CCR9: variants seen among roughly 807,000 people sequenced by gnomAD.
The protein encoded by CCR9 is C-C chemokine receptor type 9.
Under a neutral mutation model 8.7 loss-of-function variants are expected in CCR9, and 4 were observed. The ratio of observed to expected loss-of-function variants is 0.46; its 90% CI spans 0.23 to 1.06. CCR9 has a LOEUF of 1.06. Ranked by LOEUF, CCR9 falls within the 50% of genes least tolerant of loss-of-function variation. The pLI is 0.21. For missense variants in CCR9, 394 were observed against 453.6 expected (o/e 0.87, Z 1.19); for synonymous variants, 159 against 168.8 (o/e 0.94, Z 0.45).
intron 1 of CCR9, among the ~76,000 whole-genome samples, chr3:45,888,439 T>C (rs1702049594): frequency 6.6e-6 from 1 of 152,250 alleles, no homozygotes; most frequent in Admixed American, 6.5e-5. Flanking sequence ...CATGACTTAC[T>C]CAGTGTATTT....
chr3:45,892,880 A>G (rs549692117), intron 1 of CCR9, among the ~76,000 whole-genome samples: 1 of 152,216 alleles, frequency 6.6e-6, no homozygotes, highest in Non-Finnish European at 1.5e-5. Context: ...TTTCCTCCTC[A>G]GGGCCTGCTG....
At position 45,896,785 on chromosome 3, in the gene CCR9, C is replaced by T. The variant is rs185066682; in HGVS notation, c.21+1831C>T. Among the ~76,000 whole-genome samples, 269 of 152,310 alleles carry T rather than the reference C, an allele frequency of 1.8e-3. 1 individual carries two copies. The highest frequency in any genetic ancestry group is 1.6e-3 in the Non-Finnish European group (107 of 68,034). On this transcript the variant is annotated intron_variant, in intron 2 of 2. Coordinates refer to ENST00000357632, the MANE Select transcript of CCR9 (RefSeq NM_031200.3). ...TTCCCCACCTCCCTCCTTCTTGTGC[C>T]CTCTCTTATTCCATCTCCCCCATTG...
intron 1 of CCR9, among the ~76,000 whole-genome samples, chr3:45,889,692 T>C (rs1322251056): frequency 6.6e-6 from 1 of 152,032 alleles, no homozygotes; most frequent in Non-Finnish European, 1.5e-5. Context: ...TTCTATTTTT[T>C]TTTTTTTAAA....
In CCR9 at chr3:45,902,659, G is replaced by A. The variant is rs201519911; in HGVS notation, c.*761G>A. On this transcript the variant is annotated 3_prime_UTR_variant, in exon 3 of 3. Transcript: ENST00000357632. ...GGTATGGTGACAGTGTCTCTCCATG[G>A]CCTGAGCAGGGAGATTATAACAGCT... 1.8e-5 allele frequency: 3 copies of A among 167,126 alleles called. No homozygotes were observed. Among genetic ancestry groups the A allele is most frequent in the African/African-American group, 7.2e-5 (3 of 41,452 alleles). The allele number at this position is 167,126 out of a possible 1,614,324, so 10.4% of individuals were successfully genotyped here. A position where few individuals can be genotyped will look rare whatever the true frequency, so the allele number is the denominator to read the frequency against.
chr3:45,901,598 C>T lies in CCR9; in HGVS notation c.810C>T (p.Tyr270=). 9.9e-6 allele frequency: 16 copies of T among 1,614,214 alleles called. No individual in the cohort carries two copies. Among genetic ancestry groups the T allele is most frequent in the Non-Finnish European group, 1.4e-5 (16 of 1,180,008 alleles). ...LTVFVLSQFP[Y]NCILLVQTID... is the part of the protein sequence containing the mutation. ...TCTTTGTCTTGTCTCAGTTTCCCTA[C>T]AACTGCATTTTGTTGGTGCAGACCA... The change falls in exon 3 of 3, where the codon TAC becomes TAT. Residue 270 remains tyrosine, a synonymous_variant. Coordinates refer to ENST00000357632, the MANE Select transcript of CCR9 (RefSeq NM_031200.3). The surrounding 1 kb of genome is among the most constrained non-coding windows in gnomAD (Gnocchi z 4.3).
At chr3:45,892,733 A>C (rs1702225719) in intron 1 of CCR9, among the ~76,000 whole-genome samples, 1 of 152,170 alleles carries the variant, frequency 6.6e-6, no homozygotes, top group South Asian at 2.1e-4. Flanking sequence ...GAAAAAACCC[A>C]CAAAAACAAA....
At chr3:45,889,888 A>G (rs1702096160) in intron 1 of CCR9, among the ~76,000 whole-genome samples, 1 of 151,776 alleles carries the variant, frequency 6.6e-6, no homozygotes, top group East Asian at 1.9e-4. Flanking sequence ...GCTCCAACAT[A>G]TATCCCTATA....
chr3:45,887,251 C>CTGTGTG (rs36040178), intron 1 of CCR9, among the ~76,000 whole-genome samples: 2,129 of 149,208 alleles, frequency 0.014, 57 homozygotes, highest in African/African-American at 0.049. Context: ...GCGTGTGTGT[C>CTGTGTG]TGTGTGTGTG....
At chr3:45,886,782 A>C (rs372046211) in intron 1 of CCR9, 127 bp downstream of exon 1, 8 of 152,346 alleles carry the variant, frequency 5.3e-5, no homozygotes, top group African/African-American at 1.9e-4. Context: ...GGCACCAGGC[A>C]CTTTTCTAGA....
intron 1 of CCR9, among the ~76,000 whole-genome samples, chr3:45,890,279 T>TATAAATATATATATAAA (rs1553616516): frequency 1.3e-5 from 1 of 75,770 alleles, no homozygotes; most frequent in Non-Finnish European, 2.4e-5. Context: ...AACATATATA[T>TATAAATATATATATAAA]ATATTTATAT....
Position 45,901,544 on chromosome 3 carries a change from C to T in CCR9, c.756C>T (p.Ala252=). ...IQAKKSSKHK[A]LKVTITVLTV... is the part of the protein sequence containing the mutation. ...CCAAGAAGTCTTCCAAGCACAAAGCCCTAAAAGTGACCATCACTGTCCTGA... is the reference window on the plus strand; with the variant it reads ...CCAAGAAGTCTTCCAAGCACAAAGCTCTAAAAGTGACCATCACTGTCCTGA... The change falls in exon 3 of 3, where the codon GCC becomes GCT. Residue 252 remains alanine, a synonymous_variant. Transcript: ENST00000357632. The surrounding 1 kb of genome is among the most constrained non-coding windows in gnomAD (Gnocchi z 4.3). 6.2e-7 allele frequency: 1 copy of T among 1,614,174 alleles called. No individual in the cohort carries two copies. Among genetic ancestry groups the T allele is most frequent in the Non-Finnish European group, 8.5e-7 (1 of 1,180,032 alleles).
At position 45,899,315 on chromosome 3, in the gene CCR9, G is replaced by A. The variant is rs561254987; in HGVS notation, c.22-1495G>A. 4.6e-5 allele frequency among the ~76,000 whole-genome samples: 7 copies of A among 152,332 alleles called. No individual in the cohort carries two copies. In the South Asian group the frequency reaches 1.4e-3, roughly 32 times the overall value. ...GTGTTCCACCTAAAACATGGTTTGG[G>A]AAATGCTAGACAGATCTACTAGAAA... On this transcript the variant is annotated intron_variant, in intron 2 of 2. Transcript: ENST00000357632.
chr3:45,897,558 C>A, intron 2 of CCR9: 1 of 1,531,696 alleles, frequency 6.5e-7, no homozygotes, highest in Non-Finnish European at 8.7e-7. Flanking sequence ...TCTGCTCCTG[C>A]AGTCTCCTCC....
chr3:45,895,894 T>G (rs1258533997), intron 2 of CCR9, among the ~76,000 whole-genome samples: 1 of 152,128 alleles, frequency 6.6e-6, no homozygotes, highest in Non-Finnish European at 1.5e-5. Flanking sequence ...AAAGCCTGGG[T>G]TTTACATGTA....
intron 1 of CCR9, among the ~76,000 whole-genome samples, chr3:45,888,287 G>C (rs1208312269): frequency 6.6e-6 from 1 of 152,074 alleles, no homozygotes; most frequent in Non-Finnish European, 1.5e-5. Flanking sequence ...ATGTCTCCAT[G>C]CTCTTCGGCC....
chr3:45,901,928 T>G lies in CCR9; in HGVS notation c.*30T>G, dbSNP rs755084615. 41 of 1,522,514 alleles carry G rather than the reference T, an allele frequency of 2.7e-5. No homozygotes were observed. The South Asian group carries it at 5.0e-4, about 18-fold the overall frequency. The allele number at this position is 1,522,514 out of a possible 1,614,324, so 94.3% of individuals were successfully genotyped here. On this transcript the variant is annotated 3_prime_UTR_variant, in exon 3 of 3. Coordinates refer to ENST00000357632, the MANE Select transcript of CCR9 (RefSeq NM_031200.3). The surrounding 1 kb of genome is among the most constrained non-coding windows in gnomAD (Gnocchi z 4.3). ...TCTTCTCTGAGGTGCATGGTTCTTT[T>G]GGAAGAAATGAGAAATACAGAAACA... is the stretch of plus-strand genomic sequence containing the variant.
At chr3:45,891,203 C>A (rs1371733331) in intron 1 of CCR9, among the ~76,000 whole-genome samples, 1 of 152,200 alleles carries the variant, frequency 6.6e-6, no homozygotes, top group Non-Finnish European at 1.5e-5. Context: ...AAGGTCACGG[C>A]CGGAGGCTGG....
At chr3:45,888,056 A>C (rs1039753356) in intron 1 of CCR9, among the ~76,000 whole-genome samples, 10 of 152,216 alleles carry the variant, frequency 6.6e-5, no homozygotes, top group Admixed American at 2.0e-4. Flanking sequence ...GCTGATTTTC[A>C]TGTTGGCTAC....
chr3:45,890,324 A>ACATAAATATATATTTAT (rs572867024), intron 1 of CCR9, among the ~76,000 whole-genome samples: 1 of 83,094 alleles, frequency 1.2e-5, no homozygotes, highest in African/African-American at 6.1e-5. Context: ...TATTTATATA[A>ACATAAATATATATTTAT]ATATATATAT....
Sources: gnomAD v4.1 joint callset for allele counts (sites outside exome capture counted in the v4.1 genomes callset) on GRCh38, gnomAD v4.1.1 for gene constraint, Gnocchi (gnomAD v3.1) non-coding constraint, MANE v1.5 for transcripts, NCBI Gene and HGNC (gene_info 2026-07-23, HGNC 2026-07-21) for gene names.